FHIP1A: variants seen among roughly 807,000 people sequenced by gnomAD.
FHIP1A encodes the protein FHF complex subunit HOOK interacting protein 1A, also known as FHF complex subunit HOOK-interacting protein 1A.
A neutral mutation model predicts 88.6 loss-of-function variants in FHIP1A; 61 were observed. The observed-to-expected ratio is 0.69, with a 90% CI of 0.56 to 0.85. The LOEUF is 0.85. FHIP1A is among the 40% of genes least tolerant of loss of function. The pLI, the probability that FHIP1A is intolerant of heterozygous loss-of-function variation, is 0.00. For synonymous variants in FHIP1A, 478 were observed against 496.0 expected (o/e 0.96, Z 0.48); for missense variants, 1,154 against 1,273.5 (o/e 0.91, Z 1.43).
chr4:151,495,737 C>A (rs1487312381), intron 3 of FHIP1A, among the ~76,000 whole-genome samples: 1 of 150,014 alleles, frequency 6.7e-6, no homozygotes, highest in East Asian at 2.0e-4. Context: ...GATTATCCTG[C>A]TTCAGCTTCC....
At chr4:151,542,686 G>A (rs1224102016) in intron 3 of FHIP1A, among the ~76,000 whole-genome samples, 1 of 152,046 alleles carries the variant, frequency 6.6e-6, no homozygotes, top group African/African-American at 2.4e-5. Flanking sequence ...GTCATTACTC[G>A]GTTCCATGAA....
chr4:151,634,985 G>C (rs1003048264), intron 8 of FHIP1A, among the ~76,000 whole-genome samples: 4 of 151,736 alleles, frequency 2.6e-5, no homozygotes, highest in Non-Finnish European at 5.9e-5. Flanking sequence ...AAATATTTAT[G>C]AGTCATATAT....
chr4:151,573,132 T>G (rs943244449), intron 4 of FHIP1A, among the ~76,000 whole-genome samples: 21 of 152,332 alleles, frequency 1.4e-4, no homozygotes, highest in African/African-American at 5.0e-4. Context: ...GCTTTGAAAT[T>G]AGGTTAAATT....
chr4:151,566,169 G>A lies in FHIP1A; in HGVS notation c.-91G>A, dbSNP rs960956530. On this transcript the variant is annotated 5_prime_UTR_variant, in exon 4 of 14. Transcript: ENST00000435205. ...GAAGGTGACAATGAAATGTGAAGAAGTTACATTTCTCAAACTTGAAAGTTA... is the reference window on the plus strand; with the variant it reads ...GAAGGTGACAATGAAATGTGAAGAAATTACATTTCTCAAACTTGAAAGTTA... 3 of 694,496 alleles carry A rather than the reference G, an allele frequency of 4.3e-6. No individual in the cohort carries two copies. The African/African-American group carries it at 5.5e-5, about 13-fold the overall frequency. The allele number at this position is 694,496 out of a possible 1,614,324, so 43.0% of individuals were successfully genotyped here.
intron 3 of FHIP1A, among the ~76,000 whole-genome samples, chr4:151,557,323 A>C (rs1468580794): frequency 6.6e-6 from 1 of 152,200 alleles, no homozygotes; most frequent in Admixed American, 6.5e-5. Context: ...TTTCTACCTG[A>C]AGCACCAACT....
At chr4:151,638,345 G>GTGTGTGTGTGTGTGTGTA (rs1553961908) in intron 8 of FHIP1A, among the ~76,000 whole-genome samples, 3 of 151,504 alleles carry the variant, frequency 2.0e-5, no homozygotes, top group Admixed American at 2.0e-4. Context: ...GTGTGTGTGT[G>GTGTGTGTGTGTGTGTGTA]TATGTGAGAG....
At chr4:151,471,576 A>G (rs1352734597) in intron 2 of FHIP1A, among the ~76,000 whole-genome samples, 1 of 152,084 alleles carries the variant, frequency 6.6e-6, no homozygotes, top group African/African-American at 2.4e-5. Flanking sequence ...AGTCCAAATG[A>G]GTGCTCACAA....
rs116440989 is a variant in FHIP1A, at chr4:151,425,238, A to G, written c.-356+15773A>G. ...TTATAAGAAGCACAGGAAAAGGAGG[A>G]CTATGTCAAACCATACCATAAAGAT... On this transcript the variant is annotated intron_variant, in intron 1 of 13. Transcript: ENST00000435205. 9.2e-3 allele frequency among the ~76,000 whole-genome samples: 1,409 copies of G among 152,330 alleles called. 19 individuals are homozygous for G. The highest frequency in any genetic ancestry group is 0.032 in the African/African-American group (1,317 of 41,572).
intron 2 of FHIP1A, among the ~76,000 whole-genome samples, chr4:151,456,548 A>T (rs1728973931): frequency 6.6e-6 from 1 of 152,188 alleles, no homozygotes; most frequent in South Asian, 2.1e-4. Flanking sequence ...CACTTTGGAA[A>T]TGTACCCTGA....
chr4:151,545,309 C>T (rs76523238), intron 3 of FHIP1A, among the ~76,000 whole-genome samples: 306 of 151,504 alleles, frequency 2.0e-3, no homozygotes, highest in Admixed American at 5.9e-3. Context: ...AAATTCATAT[C>T]CACCCATATT....
intron 1 of FHIP1A, among the ~76,000 whole-genome samples, chr4:151,421,749 C>T (rs2126522186): frequency 6.6e-6 from 1 of 152,126 alleles, no homozygotes; most frequent in Middle Eastern, 3.4e-3. Context: ...CTGAAGACCC[C>T]TGTTTCTAGA....
chr4:151,637,003 A>G (rs1736380499), intron 8 of FHIP1A, among the ~76,000 whole-genome samples: 1 of 152,190 alleles, frequency 6.6e-6, no homozygotes, highest in Non-Finnish European at 1.5e-5. Context: ...AAATCCAGAA[A>G]TAAACTCATA....
chr4:151,439,272 G>A (rs1002393761), intron 1 of FHIP1A, among the ~76,000 whole-genome samples: 9 of 152,156 alleles, frequency 5.9e-5, no homozygotes, highest in African/African-American at 2.2e-4. Flanking sequence ...CTTCCTTGGG[G>A]AAGGGTTGTT....
intron 1 of FHIP1A, among the ~76,000 whole-genome samples, chr4:151,410,402 C>A (rs2126496418): frequency 6.6e-6 from 1 of 152,328 alleles, no homozygotes. Flanking sequence ...GGCTTGCTCC[C>A]TTGGCTTCTC....
intron 3 of FHIP1A, among the ~76,000 whole-genome samples, chr4:151,496,652 G>A (rs574196571): frequency 6.8e-6 from 1 of 146,730 alleles, no homozygotes; most frequent in East Asian, 2.1e-4. Context: ...CGGCTCAAGT[G>A]ATTGATTTTC....
At chr4:151,451,694 A>G (rs983348658) in intron 1 of FHIP1A, among the ~76,000 whole-genome samples, 4 of 152,334 alleles carry the variant, frequency 2.6e-5, no homozygotes, top group African/African-American at 7.2e-5. Flanking sequence ...CAGGGGACAC[A>G]TGAATTTAAA....
At chr4:151,467,980 G>A (rs1729380932) in intron 2 of FHIP1A, among the ~76,000 whole-genome samples, 1 of 126,122 alleles carries the variant, frequency 7.9e-6, no homozygotes. Context: ...CATGTATCCC[G>A]GAACTTAAAA....
chr4:151,519,358 G>T (rs79835129), intron 3 of FHIP1A, among the ~76,000 whole-genome samples: 1 of 152,048 alleles, frequency 6.6e-6, no homozygotes, highest in African/African-American at 2.4e-5. Flanking sequence ...TCTTTATGTG[G>T]TGGTTCTTTC....
Position 151,656,982 on chromosome 4 carries a change from A to C in FHIP1A, c.2869+84A>C, listed in dbSNP as rs1737269603. The C allele has an allele frequency of 1.5e-6, 2 of 1,336,496 alleles. No individual in the cohort carries two copies. The highest frequency in any genetic ancestry group is 2.5e-5 in the East Asian group (1 of 39,412). 82.8% of individuals were successfully genotyped at this position (1,336,496 alleles called of 1,614,324 possible). A position where few individuals can be genotyped will look rare whatever the true frequency, so the allele number is the denominator to read the frequency against. On this transcript the variant is annotated intron_variant, in intron 13 of 13. Coordinates refer to ENST00000435205, the MANE Select transcript of FHIP1A (RefSeq NM_001109977.3). This position sits in a 1 kb window ranked among gnomAD's most constrained non-coding sequence, Gnocchi z 4.2. ...ACTGGCCTCAGTTCACAGATGCTGCACTGGCTTCTGGATCCTAGAAGCATT... is the reference window on the plus strand; with the variant it reads ...ACTGGCCTCAGTTCACAGATGCTGCCCTGGCTTCTGGATCCTAGAAGCATT...
Sources: gnomAD v4.1 joint callset for allele counts (sites outside exome capture counted in the v4.1 genomes callset) on GRCh38, gnomAD v4.1.1 for gene constraint, Gnocchi (gnomAD v3.1) non-coding constraint, MANE v1.5 for transcripts, NCBI Gene and HGNC (gene_info 2026-07-23, HGNC 2026-07-21) for gene names.